TRPM7: variants seen among roughly 807,000 people sequenced by gnomAD.
TRPM7 encodes transient receptor potential cation channel subfamily M member 7.
Under a neutral mutation model 229.7 loss-of-function variants are expected in TRPM7, and 134 were observed. The observed-to-expected ratio is 0.58, with a 90% CI of 0.51 to 0.67. The LOEUF (loss-of-function observed/expected upper bound fraction) is 0.67, where lower values mean the gene tolerates loss of function less well. Ranked by LOEUF, TRPM7 falls within the 30% of genes least tolerant of loss-of-function variation. The probability of loss-of-function intolerance (pLI) is 0.00; values close to 1 mark genes in which losing one functional copy is unlikely to be tolerated. For missense variants in TRPM7, 1,901 were observed against 2,210.0 expected (o/e 0.86, Z 2.80); for synonymous variants, 699 against 715.2 (o/e 0.98, Z 0.36).
chr15:50,658,990 AG>A (rs2061658666), intron 2 of TRPM7, among the ~76,000 whole-genome samples: 1 of 152,038 alleles, frequency 6.6e-6, no homozygotes, highest in African/African-American at 2.4e-5. Context: ...CGAGGTCAGG[AG>A]ATCAAGACCA....
intron 8 of TRPM7, 41 bp from the exon 9 acceptor site, chr15:50,633,033 AT>A: frequency 6.5e-7 from 1 of 1,548,604 alleles, no homozygotes; most frequent in South Asian, 1.3e-5. Flanking sequence ...TTCATCTTCC[AT>A]TATTTGTAGG....
chr15:50,590,083 C>T (rs970939521), intron 26 of TRPM7, among the ~76,000 whole-genome samples: 2 of 152,040 alleles, frequency 1.3e-5, no homozygotes, highest in Non-Finnish European at 2.9e-5. Flanking sequence ...GTCTTGAACT[C>T]CTGAACTCAA....
At chr15:50,580,121 A>G (rs1480344026) in intron 30 of TRPM7, among the ~76,000 whole-genome samples, 5 of 152,214 alleles carry the variant, frequency 3.3e-5, no homozygotes, top group African/African-American at 1.2e-4. Flanking sequence ...GCAGAATAAT[A>G]ATTTCCCCCA....
At position 50,611,308 on chromosome 15, in the gene TRPM7, A is replaced by G. The variant is rs771101258; in HGVS notation, c.2065T>C (p.Leu689=). The part of the protein sequence containing the change: ...LKQYSNDFGQ[L]AVELLEQSFR... ...GACTGTTCTAATAATTCAACGGCCA[A>G]CTGACCAAAATCACTATAAAAAGAT... The change falls in exon 17 of 39, where the codon TTG becomes CTG. Residue 689 remains leucine (L), a synonymous_variant. Coordinates refer to ENST00000646667, the MANE Select transcript of TRPM7 (RefSeq NM_017672.6). 2 of 1,613,116 alleles carry G rather than the reference A, an allele frequency of 1.2e-6. No individual in the cohort carries two copies. Among genetic ancestry groups the G allele is most frequent in the Non-Finnish European group, 1.7e-6 (2 of 1,179,560 alleles).
chr15:50,598,969 T>A (rs1275378832), intron 22 of TRPM7, among the ~76,000 whole-genome samples, 153 bp downstream of exon 22: 1 of 152,224 alleles, frequency 6.6e-6, no homozygotes, highest in Non-Finnish European at 1.5e-5. Context: ...CCAATTAATT[T>A]GTATGTTTCT....
In TRPM7 at chr15:50,557,501, C is replaced by G. The variant is rs543996526; in HGVS notation, c.*4177G>C. The G allele has an allele frequency of 1.3e-5, 2 of 152,252 alleles. No individual in the cohort carries two copies. The highest frequency in any genetic ancestry group is 2.9e-5 in the Non-Finnish European group (2 of 68,020). 9.4% of individuals were successfully genotyped at this position (152,252 alleles called of 1,614,324 possible). ...GGAGTAATTTTTATATTTTTCTTCA[C>G]ATTTAAAAATATTTTCTAAACAATC... On this transcript the variant is annotated 3_prime_UTR_variant, in exon 39 of 39. Transcript: ENST00000646667.
Position 50,594,583 on chromosome 15 carries a change from G to A in TRPM7, c.3321C>T (p.Ser1107=), listed in dbSNP as rs2059588217. The A allele has an allele frequency of 6.2e-7, 1 of 1,604,520 alleles. No individual in the cohort carries two copies. The highest frequency in any genetic ancestry group is 8.5e-7 in the Non-Finnish European group (1 of 1,176,912). The part of the protein sequence containing the change: ...NNVYLQVKAI[S]NIVWKYQRYH... ...AACGCTGGTACTTCCATACAATATT[G>A]GAAATTGCCTTCACTTGTAAATACA... is the stretch of plus-strand genomic sequence containing the variant. The change falls in exon 24 of 39, where the codon TCC becomes TCT. Residue 1107 remains serine (S), a synonymous_variant. Coordinates refer to ENST00000646667, the MANE Select transcript of TRPM7 (RefSeq NM_017672.6).
intron 1 of TRPM7, among the ~76,000 whole-genome samples, chr15:50,684,618 C>A (rs1406369085): frequency 6.6e-6 from 1 of 151,310 alleles, no homozygotes; most frequent in African/African-American, 2.4e-5. Context: ...TCAGCCTGGG[C>A]AACAGAGCGA....
At chr15:50,674,680 T>G (rs1364550767) in intron 1 of TRPM7, among the ~76,000 whole-genome samples, 1 of 152,204 alleles carries the variant, frequency 6.6e-6, no homozygotes, top group African/African-American at 2.4e-5. Context: ...ACCTTGTCTT[T>G]CAGCTTGAAG....
intron 1 of TRPM7, among the ~76,000 whole-genome samples, chr15:50,671,136 CAGA>C (rs1462961957): frequency 4.6e-5 from 7 of 152,238 alleles, no homozygotes; most frequent in South Asian, 2.1e-4. Flanking sequence ...CCATGTTGTA[CAGA>C]AGATTTCTTG....
intron 35 of TRPM7, 62 bp downstream of exon 35, chr15:50,574,575 G>A (rs1331740180): frequency 2.6e-6 from 4 of 1,552,294 alleles, no homozygotes; most frequent in South Asian, 1.2e-5. Flanking sequence ...CATCAAAAAT[G>A]AAGGTCAAAA....
At chr15:50,595,670 G>C (rs56080199) in intron 23 of TRPM7, among the ~76,000 whole-genome samples, 1 of 151,870 alleles carries the variant, frequency 6.6e-6, no homozygotes. Context: ...AGTCCAGCCC[G>C]GCCAACATGG....
intron 2 of TRPM7, among the ~76,000 whole-genome samples, chr15:50,658,365 G>A (rs900888697): frequency 6.6e-6 from 1 of 151,672 alleles, no homozygotes; most frequent in Non-Finnish European, 1.5e-5. Context: ...TTGAGTCCAG[G>A]AGTTTAAGAT....
Position 50,608,019 on chromosome 15 carries a change from T to C in TRPM7, c.2581-691A>G, listed in dbSNP as rs1290609768. ...GCAGTGAGCTGAGATCATGCCATTG[T>C]ACTCTAGCCTGGGCAACAGAGCGAG... On this transcript the variant is annotated intron_variant, in intron 19 of 38. Coordinates refer to ENST00000646667, the MANE Select transcript of TRPM7 (RefSeq NM_017672.6). 3.7e-5 allele frequency among the ~76,000 whole-genome samples: 5 copies of C among 135,814 alleles called. No homozygotes were observed. The East Asian group carries it at 1.1e-3, about 29-fold the overall frequency. The allele number at this position is 135,814 out of a possible 152,430, so 89.1% of individuals were successfully genotyped here. A position where few individuals can be genotyped will look rare whatever the true frequency, so the allele number is the denominator to read the frequency against.
rs143797445 is a variant in TRPM7 at position 50,633,899 on chromosome 15, C to T, written c.1007+483G>A. On this transcript the variant is annotated intron_variant, in intron 8 of 38. Coordinates refer to ENST00000646667, the MANE Select transcript of TRPM7 (RefSeq NM_017672.6). ...GTTTTATTTTAATTTGTTCCAATAA[C>T]ATATGAGTCAGGCTATTTCCTCAAC... Among the ~76,000 whole-genome samples the T allele has an allele frequency of 2.5e-3, 385 of 152,314 alleles. 2 individuals carry two copies. The highest frequency in any genetic ancestry group is 8.8e-3 in the African/African-American group (364 of 41,580).
chr15:50,620,089 C>A (rs150543899), intron 12 of TRPM7, among the ~76,000 whole-genome samples: 1 of 152,246 alleles, frequency 6.6e-6, no homozygotes, highest in East Asian at 1.9e-4. Context: ...GATAATGGCG[C>A]TGTACAATAC....
intron 10 of TRPM7, among the ~76,000 whole-genome samples, chr15:50,629,496 C>G (rs532425403): frequency 3.6e-5 from 5 of 138,824 alleles, no homozygotes; most frequent in Admixed American, 3.6e-4. Flanking sequence ...TGATCTCAAA[C>G]TCCTGGGCTC....
intron 38 of TRPM7, 75 bp downstream of exon 38, chr15:50,569,812 T>G (rs1049761277): frequency 1.1e-6 from 1 of 879,104 alleles, no homozygotes; most frequent in Non-Finnish European, 1.7e-6. Context: ...CATTTGTACC[T>G]CTGGCCTTAT....
intron 22 of TRPM7, among the ~76,000 whole-genome samples, chr15:50,598,757 G>A (rs544319306): frequency 2.0e-5 from 3 of 152,284 alleles, no homozygotes; most frequent in East Asian, 1.9e-4. Context: ...GACAGTCTTA[G>A]AATCATAAGG....
Sources: allele counts gnomAD v4.1 joint callset (sites outside exome capture counted in the v4.1 genomes callset), GRCh38; gene constraint gnomAD v4.1.1; transcripts MANE v1.5; gene names NCBI Gene and HGNC (gene_info 2026-07-23, HGNC 2026-07-21).